NRG3: variants seen among roughly 807,000 people sequenced by gnomAD.
NRG3 encodes the protein neuregulin 3.
A neutral mutation model predicts 66.9 loss-of-function variants in NRG3; 31 were observed. The observed-to-expected ratio is 0.46, with a 90% CI of 0.35 to 0.63. NRG3 has a LOEUF of 0.63. NRG3 is among the 20% of genes least tolerant of loss of function. The probability of loss-of-function intolerance (pLI) is 0.00; values close to 1 mark genes in which losing one functional copy is unlikely to be tolerated. For synonymous variants in NRG3, 393 were observed against 359.4 expected (o/e 1.09, Z -1.06); for missense variants, 910 against 878.9 (o/e 1.04, Z -0.45).
At position 82,421,452 on chromosome 10, in the gene NRG3, T is replaced by A. The variant is rs117619883; in HGVS notation, c.953+62584T>A. ...CGGCAACAATGATGTACTCTTAGCA[T>A]GACACATGGAAGCTTATGAAAAATT... On this transcript the variant is annotated intron_variant, in intron 2 of 8. Coordinates refer to ENST00000372141, the MANE Select transcript of NRG3 (RefSeq NM_001010848.4). Among the ~76,000 whole-genome samples, 1,458 of 152,106 alleles carry A rather than the reference T, an allele frequency of 9.6e-3. 15 individuals carry two copies. Among genetic ancestry groups the A allele is most frequent in the South Asian group, 0.015 (74 of 4,826 alleles).
chr10:82,459,743 T>C (rs1412035664), intron 2 of NRG3, among the ~76,000 whole-genome samples: 2 of 152,208 alleles, frequency 1.3e-5, no homozygotes, highest in African/African-American at 2.4e-5. Context: ...CAACCTCAGC[T>C]TCTGCCAGCC....
chr10:82,035,032 T>C (rs2132934266), intron 1 of NRG3, among the ~76,000 whole-genome samples: 1 of 152,262 alleles, frequency 6.6e-6, no homozygotes, highest in Non-Finnish European at 1.5e-5. Context: ...GTGCTGTTCA[T>C]GGTTCTGAAT....
rs573163460 is a variant in NRG3, at chr10:81,907,118, T to C, written c.823+30955T>C. 6.6e-5 allele frequency among the ~76,000 whole-genome samples: 10 copies of C among 152,324 alleles called. No homozygotes were observed. In the East Asian group the frequency reaches 9.7e-4, roughly 15 times the overall value. On this transcript the variant is annotated intron_variant, in intron 1 of 8. Coordinates refer to ENST00000372141, the MANE Select transcript of NRG3 (RefSeq NM_001010848.4). ...AAAAATAGCACCATTTGAAGACTTT[T>C]CTAGCTTCCATTTGTTACCTGTGTC... is the stretch of plus-strand genomic sequence containing the variant.
In NRG3 at chr10:82,707,004, A is replaced by T. The variant is rs1040066445; in HGVS notation, c.954-31573A>T. Among the ~76,000 whole-genome samples, 58 of 114,492 alleles carry T rather than the reference A, an allele frequency of 5.1e-4. 1 individual carries two copies. The highest frequency in any genetic ancestry group is 3.5e-5 in the Non-Finnish European group (2 of 56,444). 75.1% of individuals were successfully genotyped at this position (114,492 alleles called of 152,430 possible). A position where few individuals can be genotyped will look rare whatever the true frequency, so the allele number is the denominator to read the frequency against. On this transcript the variant is annotated intron_variant, in intron 2 of 8. Transcript: ENST00000372141. ...GTAAGACTCCATCTCAAAAAAAAAAAATAAAATAAAATAAATATATATATA... is the reference window on the plus strand; with the variant it reads ...GTAAGACTCCATCTCAAAAAAAAAATATAAAATAAAATAAATATATATATA...
intron 1 of NRG3, among the ~76,000 whole-genome samples, chr10:82,212,053 G>A (rs559595768): frequency 6.6e-5 from 10 of 152,238 alleles, no homozygotes; most frequent in African/African-American, 2.4e-4. Flanking sequence ...CTACATTTAC[G>A]AGTTCTTTGA....
At chr10:82,327,664 T>G (rs1246427593) in intron 1 of NRG3, among the ~76,000 whole-genome samples, 2 of 152,184 alleles carry the variant, frequency 1.3e-5, no homozygotes, top group Non-Finnish European at 2.9e-5. Context: ...ACATGATGCC[T>G]GAAATTTACT....
At chr10:82,763,945 A>C (rs925388122) in intron 3 of NRG3, among the ~76,000 whole-genome samples, 2 of 152,248 alleles carry the variant, frequency 1.3e-5, no homozygotes, top group Non-Finnish European at 2.9e-5. Context: ...AAAATATGTT[A>C]AAATTAATCC....
At chr10:82,152,858 T>C (rs942681642) in intron 1 of NRG3, among the ~76,000 whole-genome samples, 2 of 151,656 alleles carry the variant, frequency 1.3e-5, no homozygotes, top group East Asian at 3.9e-4. Flanking sequence ...TTCTTTCTTT[T>C]CTTTCTTTTT....
chr10:82,587,249 AAAC>A (rs1480425751), intron 2 of NRG3, among the ~76,000 whole-genome samples: 1 of 152,214 alleles, frequency 6.6e-6, no homozygotes, highest in Non-Finnish European at 1.5e-5. Context: ...TTAAATTGTA[AAAC>A]AACACCACTC....
chr10:82,657,164 T>C (rs1159446648), intron 2 of NRG3, among the ~76,000 whole-genome samples: 2 of 152,212 alleles, frequency 1.3e-5, no homozygotes, highest in Non-Finnish European at 2.9e-5. Context: ...CTCTGGCTCT[T>C]TATTTTTTAC....
At chr10:82,239,108 C>T (rs1172716193) in intron 1 of NRG3, among the ~76,000 whole-genome samples, 7 of 151,304 alleles carry the variant, frequency 4.6e-5, no homozygotes, top group Non-Finnish European at 8.8e-5. Flanking sequence ...TAGTATGAGC[C>T]AGTATTTATA....
At chr10:82,401,962 A>T (rs1420900425) in intron 2 of NRG3, among the ~76,000 whole-genome samples, 1 of 152,126 alleles carries the variant, frequency 6.6e-6, no homozygotes, top group African/African-American at 2.4e-5. Flanking sequence ...AACAAAGTTT[A>T]TATGCAATAA....
chr10:82,473,041 C>A (rs1019658553), intron 2 of NRG3, among the ~76,000 whole-genome samples: 2 of 152,174 alleles, frequency 1.3e-5, no homozygotes, highest in Admixed American at 6.5e-5. Flanking sequence ...GCTAACATAA[C>A]AATATACCAA....
intron 2 of NRG3, among the ~76,000 whole-genome samples, chr10:82,359,716 CTTTTCTTCTCT>C (rs1039300866): frequency 4.1e-4 from 63 of 152,230 alleles, no homozygotes; most frequent in African/African-American, 1.4e-3. Context: ...ATCCACACCC[CTTTTCTTCTCT>C]TTATTTACTC....
chr10:82,769,567 T>C (rs952228712), intron 3 of NRG3, among the ~76,000 whole-genome samples: 1 of 152,128 alleles, frequency 6.6e-6, no homozygotes, highest in African/African-American at 2.4e-5. Context: ...GTGATATGTG[T>C]TTAGGATATG....
intron 1 of NRG3, among the ~76,000 whole-genome samples, chr10:82,201,958 C>T (rs1041195396): frequency 1.3e-5 from 2 of 151,702 alleles, no homozygotes; most frequent in African/African-American, 4.8e-5. Context: ...AGTTTAGATA[C>T]GAAGACAATT....
chr10:82,486,979 C>A (rs1842735567), intron 2 of NRG3, among the ~76,000 whole-genome samples: 1 of 151,638 alleles, frequency 6.6e-6, no homozygotes. Context: ...TAAAGATCTT[C>A]TGTAAACCAT....
intron 1 of NRG3, among the ~76,000 whole-genome samples, chr10:81,884,055 T>G (rs984048679): frequency 5.3e-5 from 8 of 152,204 alleles, no homozygotes; most frequent in Admixed American, 4.6e-4. Flanking sequence ...ATTATCTCAC[T>G]GATAGAGTTA....
Position 82,682,448 on chromosome 10 carries a change from G to A in NRG3, c.954-56129G>A, listed in dbSNP as rs2054179393. ...AGATAGATAGATAGATAATAGATTA[G>A]GAGATAGAAAATGTCTTTGTATTTA... On this transcript the variant is annotated intron_variant, in intron 2 of 8. Transcript: ENST00000372141. Among the ~76,000 whole-genome samples, 3 of 151,010 alleles carry A rather than the reference G, an allele frequency of 2.0e-5. No individual in the cohort carries two copies. The South Asian group carries it at 6.3e-4, about 32-fold the overall frequency.
Sources: allele counts gnomAD v4.1 joint callset (sites outside exome capture counted in the v4.1 genomes callset), GRCh38; gene constraint gnomAD v4.1.1; transcripts MANE v1.5; gene names NCBI Gene and HGNC (gene_info 2026-07-23, HGNC 2026-07-21).